The following P2RX5 variants were observed in gnomAD, a reference collection of about 807,000 sequenced individuals.
P2RX5 encodes P2X purinoceptor 5.
In P2RX5, 46 loss-of-function variants were observed where a neutral mutation model predicts 54.1. The observed-to-expected ratio is 0.85, with a 90% CI of 0.67 to 1.09. P2RX5 has a LOEUF of 1.09. Ranked by LOEUF, P2RX5 falls within the 50% of genes least tolerant of loss-of-function variation. P2RX5 has a pLI of 0.00. For missense variants in P2RX5, 566 were observed against 549.8 expected, an observed-to-expected ratio of 1.03 and a Z score of -0.29; for synonymous variants, 226 against 226.4, an observed-to-expected ratio of 1.00 and a Z score of 0.02.
intron 11 of P2RX5, chr17:3,676,053 T>G: frequency 4.1e-6 from 4 of 985,348 alleles, no homozygotes; most frequent in Non-Finnish European, 3.6e-6. Context: ...AGAGAACCCC[T>G]CCAAAGAGGA....
chr17:3,688,525 G>A, intron 8 of P2RX5, 101 bp downstream of exon 8: 1 of 1,330,188 alleles, frequency 7.5e-7, no homozygotes. Context: ...CTCCCGCTCT[G>A]ACACCCACCC....
the P2RX5 span, chr17:3,714,708 C>T: frequency 1.8e-6 from 1 of 544,716 alleles, no homozygotes; most frequent in Admixed American, 3.6e-5. Context: ...ACTTTTGGGA[C>T]AATGTATGGT....
chr17:3,716,855 C>G, the P2RX5 span: 1 of 970,264 alleles, frequency 1.0e-6, no homozygotes, highest in Admixed American at 1.8e-5. Context: ...AGGAAAAAAT[C>G]CTACATGTTA....
the P2RX5 span, chr17:3,723,764 C>T: frequency 1.0e-5 from 16 of 1,605,312 alleles, no homozygotes; most frequent in South Asian, 1.0e-4. Flanking sequence ...GAGCCATGAC[C>T]GCGACGCGCT....
chr17:3,688,616 C>T lies in P2RX5; in HGVS notation c.887+10G>A. The T allele has an allele frequency of 1.2e-6, 2 of 1,614,112 alleles. No individual in the cohort carries two copies. The highest frequency in any genetic ancestry group is 2.2e-5 in the South Asian group (2 of 91,088). On this transcript the variant is annotated intron_variant, in intron 8 of 11. Transcript: ENST00000225328. ...GGTCAGGTCACAAGTGGGCACAAGG[C>T]AGCGGTTACCTGAAGTTGTACCCGG...
the P2RX5 span, among the ~76,000 whole-genome samples, chr17:3,714,384 T>C: frequency 1.3e-5 from 2 of 151,796 alleles, no homozygotes; most frequent in Non-Finnish European, 1.5e-5. Flanking sequence ...CCCGCCACCA[T>C]GCCCAGCTAA....
chr17:3,699,918 G>GAAGGAAAGAAAGAAAGA, upstream of P2RX5, among the ~76,000 whole-genome samples: 2 of 50,012 alleles, frequency 4.0e-5, no homozygotes. Flanking sequence ...AGGAAGGAAG[G>GAAGGAAAGAAAGAAAGA]AAAGAAAGAA....
chr17:3,707,655 C>T, the P2RX5 span, among the ~76,000 whole-genome samples: 5 of 152,140 alleles, frequency 3.3e-5, no homozygotes, highest in South Asian at 2.1e-4. Context: ...CCAGACCCCC[C>T]TCTCGGCCCT....
At chr17:3,720,431 A>T in the P2RX5 span, 1 of 1,012,634 alleles carries the variant, frequency 9.9e-7, no homozygotes, top group Non-Finnish European at 1.6e-6. Context: ...AATGAGGGAA[A>T]CAAAACATAT....
rs774202391 is a variant in P2RX5, at chr17:3,691,045, C to T, written c.289-18G>A. On this transcript the variant is annotated intron_variant, in intron 2 of 11. Coordinates refer to ENST00000225328, the MANE Select transcript of P2RX5 (RefSeq NM_002561.4). ...TTCTCTCCCTAAGGAACCAGAGAGG[C>T]ACTGAGGAACCTCCTCCTGCCCCTT... is the stretch of plus-strand genomic sequence containing the variant. 8 of 1,594,904 alleles carry T rather than the reference C, an allele frequency of 5.0e-6. No individual in the cohort carries two copies. Among genetic ancestry groups the T allele is most frequent in the South Asian group, 1.1e-5 (1 of 90,110 alleles).
At chr17:3,680,539 G>A (rs74570044) in intron 10 of P2RX5, among the ~76,000 whole-genome samples, 20 of 102,288 alleles carry the variant, frequency 2.0e-4, no homozygotes, top group African/African-American at 3.6e-4. Context: ...TCCACCCAGC[G>A]TCCTCCACCC....
At chr17:3,687,978 C>G in intron 9 of P2RX5, 34 bp downstream of exon 9, 1 of 655,742 alleles carries the variant, frequency 1.5e-6, no homozygotes, top group South Asian at 1.5e-5. Flanking sequence ...CCCCGCCCCC[C>G]GCCCAGCCTC....
At chr17:3,674,990 C>T (rs1359806713) in intron 11 of P2RX5, among the ~76,000 whole-genome samples, 3 of 152,228 alleles carry the variant, frequency 2.0e-5, no homozygotes, top group Admixed American at 6.5e-5. Context: ...TGACATGTCA[C>T]AGGGACTCCA....
the P2RX5 span, among the ~76,000 whole-genome samples, chr17:3,707,506 A>G: frequency 1.3e-5 from 2 of 152,154 alleles, no homozygotes; most frequent in East Asian, 3.9e-4. Flanking sequence ...CACCAAAGTG[A>G]GCCAGTGGTG....
the P2RX5 span, among the ~76,000 whole-genome samples, chr17:3,715,983 C>T: frequency 2.0e-5 from 3 of 151,938 alleles, no homozygotes; most frequent in South Asian, 2.1e-4. Flanking sequence ...GGTGAAACCC[C>T]GTCTCTACTA....
intron 11 of P2RX5, among the ~76,000 whole-genome samples, chr17:3,678,324 G>A (rs1343535985): frequency 6.6e-6 from 1 of 152,262 alleles, no homozygotes; most frequent in Non-Finnish European, 1.5e-5. Flanking sequence ...AGAAGCCTCT[G>A]GAGTTGCCCC....
chr17:3,703,303 G>C, the P2RX5 span, among the ~76,000 whole-genome samples: 1 of 152,152 alleles, frequency 6.6e-6, no homozygotes, highest in African/African-American at 2.4e-5. Flanking sequence ...CCAGGAGTTA[G>C]AGACCAGCGT....
intron 11 of P2RX5, chr17:3,676,507 A>T: frequency 1.0e-6 from 1 of 985,304 alleles, no homozygotes; most frequent in Non-Finnish European, 1.2e-6. Flanking sequence ...TGTAACTTAA[A>T]TCAGCTGAGC....
At chr17:3,710,432 A>C in the P2RX5 span, among the ~76,000 whole-genome samples, 3 of 151,726 alleles carry the variant, frequency 2.0e-5, no homozygotes, top group Non-Finnish European at 4.4e-5. Context: ...ATCTCAAATA[A>C]ATAAATAAAT....
Sources: gnomAD v4.1 joint callset for allele counts (sites outside exome capture counted in the v4.1 genomes callset) on GRCh38, gnomAD v4.1.1 for gene constraint, MANE v1.5 for transcripts, NCBI Gene and HGNC (gene_info 2026-07-23, HGNC 2026-07-21) for gene names.